ANKRD17: variants seen among roughly 807,000 people sequenced by gnomAD.
ANKRD17 encodes ankyrin repeat domain 17.
In ANKRD17, 19 loss-of-function variants were observed where a neutral mutation model predicts 229.7. The observed-to-expected ratio is 0.08, with a 90% CI of 0.06 to 0.12. ANKRD17 has a LOEUF of 0.12. Ranked by LOEUF, ANKRD17 falls within the 10% of genes least tolerant of loss-of-function variation. The pLI, the probability that ANKRD17 is intolerant of heterozygous loss-of-function variation, is 1.00. For missense variants in ANKRD17, 2,176 were observed against 3,176.8 expected (o/e 0.68, Z 7.57); for synonymous variants, 1,112 against 1,146.1 (o/e 0.97, Z 0.60).
chr4:73,225,630 G>A (rs940112864), intron 1 of ANKRD17, among the ~76,000 whole-genome samples: 10 of 151,856 alleles, frequency 6.6e-5, no homozygotes, highest in African/African-American at 2.4e-4. Context: ...AGGCCCAGGC[G>A]GGCAGATCAC....
chr4:73,084,846 A>G (rs1721951328), intron 30 of ANKRD17, among the ~76,000 whole-genome samples: 1 of 152,132 alleles, frequency 6.6e-6, no homozygotes, highest in Non-Finnish European at 1.5e-5. Context: ...AAAAGTAAAC[A>G]TAAATTAATA....
intron 1 of ANKRD17, among the ~76,000 whole-genome samples, chr4:73,216,031 C>A (rs1450117657): frequency 6.6e-6 from 1 of 152,080 alleles, no homozygotes; most frequent in Non-Finnish European, 1.5e-5. Context: ...TACCTGTGAA[C>A]AGCCACTGCA....
At chr4:73,208,154 A>G (rs1466602496) in intron 1 of ANKRD17, among the ~76,000 whole-genome samples, 1 of 132,676 alleles carries the variant, frequency 7.5e-6, no homozygotes, top group Non-Finnish European at 1.5e-5. Context: ...GGGCCACTGC[A>G]CTCCAGCCTG....
intron 1 of ANKRD17, among the ~76,000 whole-genome samples, chr4:73,180,219 A>G (rs774027683): frequency 3.3e-5 from 5 of 152,116 alleles, no homozygotes; most frequent in Non-Finnish European, 7.4e-5. Flanking sequence ...CATAAAGAAT[A>G]ATATAAAAGG....
intron 31 of ANKRD17, 118 bp from the exon 32 acceptor site, chr4:73,077,651 CT>C (rs1721130555): frequency 1.2e-6 from 1 of 824,748 alleles, no homozygotes; most frequent in Non-Finnish European, 1.8e-6. Context: ...TAATGACCTA[CT>C]TTTATATATT....
chr4:73,247,690 C>T (rs1021794947), intron 1 of ANKRD17, among the ~76,000 whole-genome samples: 15 of 151,890 alleles, frequency 9.9e-5, no homozygotes, highest in South Asian at 2.1e-4. Flanking sequence ...GTATAAATAC[C>T]GTCATTAGTT....
rs569754541 is a variant in ANKRD17, at chr4:73,116,145, C to A, written c.4189-229G>T. 2.7e-5 allele frequency among the ~76,000 whole-genome samples: 4 copies of A among 148,894 alleles called. No individual in the cohort carries two copies. In the East Asian group the frequency reaches 6.1e-4, roughly 23 times the overall value. On this transcript the variant is annotated intron_variant, in intron 22 of 33. Transcript: ENST00000358602. ...GTACATAATAATATGAGCTAAAATT[C>A]TAAACAACTCTGAATAAAAAAAACA...
intron 1 of ANKRD17, among the ~76,000 whole-genome samples, chr4:73,192,324 G>A (rs1737230082): frequency 1.3e-5 from 2 of 151,720 alleles, no homozygotes; most frequent in Admixed American, 1.3e-4. Flanking sequence ...CACATTGTTA[G>A]GTGGAAAAAA....
chr4:73,190,406 G>A (rs1370035816), intron 1 of ANKRD17, among the ~76,000 whole-genome samples: 1 of 151,852 alleles, frequency 6.6e-6, no homozygotes, highest in Non-Finnish European at 1.5e-5. Context: ...AGAAATCTAA[G>A]ATATATATTA....
chr4:73,182,519 A>G (rs1735715777), intron 1 of ANKRD17, among the ~76,000 whole-genome samples: 1 of 152,158 alleles, frequency 6.6e-6, no homozygotes, highest in Non-Finnish European at 1.5e-5. Context: ...GAACTTTCAC[A>G]CTGCTCTGGG....
In ANKRD17 at chr4:73,225,789, G is replaced by T. The variant is rs565171028; in HGVS notation, c.393+32487C>A. 5.4e-5 allele frequency among the ~76,000 whole-genome samples: 8 copies of T among 148,774 alleles called. No homozygotes were observed. In the South Asian group the frequency reaches 1.7e-3, roughly 32 times the overall value. Reference sequence around the variant, plus strand: ...AGGCAGGAGAATCGCTTGAACCCGGGAGGTGGAGGTTGCAGTGAGTCGAGA... The same window carrying T: ...AGGCAGGAGAATCGCTTGAACCCGGTAGGTGGAGGTTGCAGTGAGTCGAGA... On this transcript the variant is annotated intron_variant, in intron 1 of 33. Coordinates refer to ENST00000358602, the MANE Select transcript of ANKRD17 (RefSeq NM_032217.5).
intron 1 of ANKRD17, among the ~76,000 whole-genome samples, chr4:73,199,375 C>T (rs1004249909): frequency 6.6e-6 from 1 of 152,110 alleles, no homozygotes; most frequent in African/African-American, 2.4e-5. Context: ...TCATCAACCT[C>T]CCAGCAAGAA....
chr4:73,159,874 A>G (rs1176104602), intron 3 of ANKRD17, among the ~76,000 whole-genome samples: 1 of 152,212 alleles, frequency 6.6e-6, no homozygotes, highest in Non-Finnish European at 1.5e-5. Context: ...ATACAAACAC[A>G]AAAATCTAGA....
chr4:73,205,790 AGAGT>A (rs1739360536), intron 1 of ANKRD17, among the ~76,000 whole-genome samples: 1 of 152,250 alleles, frequency 6.6e-6, no homozygotes, highest in African/African-American at 2.4e-5. Flanking sequence ...AACAATCAAC[AGAGT>A]GAGGAGATAA....
chr4:73,104,590 T>G (rs1660791363), intron 24 of ANKRD17, among the ~76,000 whole-genome samples: 1 of 152,204 alleles, frequency 6.6e-6, no homozygotes, highest in African/African-American at 2.4e-5. Context: ...GTATCGTATC[T>G]GTATAGACAG....
intron 24 of ANKRD17, among the ~76,000 whole-genome samples, chr4:73,110,656 A>G (rs1040631479): frequency 2.0e-5 from 3 of 152,258 alleles, no homozygotes; most frequent in African/African-American, 4.8e-5. Flanking sequence ...GATGTAAATT[A>G]TAATTAAAAA....
At position 73,144,840 on chromosome 4, in the gene ANKRD17, A is replaced by T. The variant is rs1318168119; in HGVS notation, c.1870-8T>A. 3 of 1,140,226 alleles carry T rather than the reference A, an allele frequency of 2.6e-6. No homozygotes were observed. Among genetic ancestry groups the T allele is most frequent in the Non-Finnish European group, 1.2e-6 (1 of 853,714 alleles). The allele number at this position is 1,140,226 out of a possible 1,614,324, so 70.6% of individuals were successfully genotyped here. A position where few individuals can be genotyped will look rare whatever the true frequency, so the allele number is the denominator to read the frequency against. ...ACCTTCAGATTCATGTTCCTGTTTA[A>T]AAAAAAAAAAAAAGACTTGACATTT... On this transcript the variant is annotated splice_polypyrimidine_tract_variant and splice_region_variant and intron_variant, in intron 10 of 33. Transcript: ENST00000358602.
intron 6 of ANKRD17, among the ~76,000 whole-genome samples, chr4:73,152,599 C>G (rs1398067452): frequency 6.6e-6 from 1 of 152,132 alleles, no homozygotes; most frequent in Non-Finnish European, 1.5e-5. Flanking sequence ...TCAGATCCCC[C>G]TTTTGGATAG....
At chr4:73,224,453 CAG>C (rs1399312149) in intron 1 of ANKRD17, among the ~76,000 whole-genome samples, 1 of 152,026 alleles carries the variant, frequency 6.6e-6, no homozygotes, top group Non-Finnish European at 1.5e-5. Flanking sequence ...GTCAACTAGA[CAG>C]ATTATGGTTT....
Sources: gnomAD v4.1 joint callset for allele counts (sites outside exome capture counted in the v4.1 genomes callset) on GRCh38, gnomAD v4.1.1 for gene constraint, MANE v1.5 for transcripts, NCBI Gene and HGNC (gene_info 2026-07-23, HGNC 2026-07-21) for gene names.